Variants in MORN5 observed in about 807,000 individuals in gnomAD.
MORN5 encodes MORN repeat-containing protein 5.
In MORN5, 21 loss-of-function variants were observed where a neutral mutation model predicts 22.1. The ratio of observed to expected loss-of-function variants is 0.95; its 90% confidence interval spans 0.67 to 1.37. The LOEUF (loss-of-function observed/expected upper bound fraction) is 1.37, where lower values mean the gene tolerates loss of function less well. Among genes scored for constraint, MORN5 ranks in the 40% most tolerant of loss-of-function variants. The pLI is 0.00. For missense variants in MORN5, 211 were observed against 215.1 expected (o/e 0.98, Z 0.12); for synonymous variants, 73 against 74.0 (o/e 0.99, Z 0.07).
rs551488847 is a variant in MORN5, at chr9:122,177,271, C to T, written c.439+2644C>T. Reference sequence around the variant, plus strand: ...GTGAAATGACACTGCTGAGATGACACTGGCATGAACAACAAAGACAACAGA... The same window carrying T: ...GTGAAATGACACTGCTGAGATGACATTGGCATGAACAACAAAGACAACAGA... On this transcript the variant is annotated intron_variant, in intron 4 of 4. Transcript: ENST00000373764. Among the ~76,000 whole-genome samples, 3 of 152,346 alleles carry T rather than the reference C, an allele frequency of 2.0e-5. 1 individual carries two copies. In the South Asian group the frequency reaches 6.2e-4, roughly 32 times the overall value.
rs988854570 is a variant in MORN5, at chr9:122,163,132, T to G, written c.47+3113T>G. 2.0e-5 allele frequency among the ~76,000 whole-genome samples: 3 copies of G among 152,082 alleles called. No homozygotes were observed. The South Asian group carries it at 6.2e-4, about 32-fold the overall frequency. On this transcript the variant is annotated intron_variant, in intron 1 of 4. Transcript: ENST00000373764. Reference sequence around the variant, plus strand: ...GTCGCACAATTGAGTTCTAGATAACTCCACTCCAAAGCACCACAAGGTAAG... The same window carrying G: ...GTCGCACAATTGAGTTCTAGATAACGCCACTCCAAAGCACCACAAGGTAAG...
chr9:122,191,918 C>T (rs940567913), intron 4 of MORN5, among the ~76,000 whole-genome samples: 1 of 152,212 alleles, frequency 6.6e-6, no homozygotes, highest in Non-Finnish European at 1.5e-5. Flanking sequence ...GTGTCCTGAG[C>T]GAGTCCCTTA....
rs116537026 is a variant in MORN5 at position 122,177,496 on chromosome 9, G to A, written c.439+2869G>A. 4.2e-3 allele frequency among the ~76,000 whole-genome samples: 643 copies of A among 152,214 alleles called. 6 individuals carry two copies. Among genetic ancestry groups the A allele is most frequent in the African/African-American group, 0.014 (585 of 41,532 alleles). On this transcript the variant is annotated intron_variant, in intron 4 of 4. Coordinates refer to ENST00000373764, the MANE Select transcript of MORN5 (RefSeq NM_198469.4). ...TGCCCAGCTGGGAGTAAAATGACGCGATCTTGGCTCCCTGCAACCTCTGCC... is the reference window on the plus strand; with the variant it reads ...TGCCCAGCTGGGAGTAAAATGACGCAATCTTGGCTCCCTGCAACCTCTGCC...
At chr9:122,180,937 A>T (rs1225464256) in intron 4 of MORN5, among the ~76,000 whole-genome samples, 1 of 152,244 alleles carries the variant, frequency 6.6e-6, no homozygotes, top group Non-Finnish European at 1.5e-5. Context: ...AGCTGATTAA[A>T]TGTTTGTAAA....
chr9:122,200,050 A>AT lies in MORN5; in HGVS notation c.*123dup. 1.1e-6 allele frequency: 1 copy of AT among 944,720 alleles called. No individual in the cohort carries two copies. The highest frequency in any genetic ancestry group is 1.7e-6 in the Non-Finnish European group (1 of 592,848). The allele number at this position is 944,720 out of a possible 1,614,324, so 58.5% of individuals were successfully genotyped here. ...GGACGGGCTGTAGTTCTAGAACCTG[A>AT]TTTTAACTCAGGAATAAAGACTTTC... is the stretch of plus-strand genomic sequence containing the variant. On this transcript the variant is annotated 3_prime_UTR_variant, in exon 5 of 5. Transcript: ENST00000373764.
chr9:122,182,093 G>C (rs892018348), intron 4 of MORN5, among the ~76,000 whole-genome samples: 4 of 152,188 alleles, frequency 2.6e-5, no homozygotes, highest in African/African-American at 9.6e-5. Context: ...ATCTGCAAAT[G>C]CTTGATTATG....
chr9:122,187,762 A>G (rs1247969430), intron 4 of MORN5, among the ~76,000 whole-genome samples: 1 of 152,238 alleles, frequency 6.6e-6, no homozygotes, highest in Non-Finnish European at 1.5e-5. Flanking sequence ...AATATCAAAT[A>G]TGAGATTCTT....
chr9:122,170,113 C>G (rs1270713961), intron 3 of MORN5, among the ~76,000 whole-genome samples: 1 of 152,080 alleles, frequency 6.6e-6, no homozygotes, highest in African/African-American at 2.4e-5. Context: ...TCCTGGCCAA[C>G]ATGGTGAAAC....
intron 2 of MORN5, 44 bp downstream of exon 2, chr9:122,166,959 C>G (rs371869893): frequency 6.4e-7 from 1 of 1,574,200 alleles, no homozygotes; most frequent in Admixed American, 1.8e-5. Flanking sequence ...GAGATCCTCA[C>G]GCAAGAAGAG....
intron 4 of MORN5, among the ~76,000 whole-genome samples, chr9:122,198,675 T>C (rs569784629): frequency 6.6e-6 from 1 of 152,256 alleles, no homozygotes; most frequent in East Asian, 1.9e-4. Context: ...TCCACGTATC[T>C]GTGAAGGAGT....
Position 122,199,956 on chromosome 9 carries a change from G to A in MORN5, c.*25G>A, listed in dbSNP as rs199942712. 1,969 of 1,613,662 alleles carry A rather than the reference G, an allele frequency of 1.2e-3. 2 individuals are homozygous for A. The highest frequency in any genetic ancestry group is 1.5e-3 in the Non-Finnish European group (1,754 of 1,179,620). On this transcript the variant is annotated 3_prime_UTR_variant, in exon 5 of 5. Transcript: ENST00000373764. ...GGATGAGATCGTGGGTCACAGGCCCGAGCCGTGAACTCTGTGGCTGCCTCC... is the reference window on the plus strand; with the variant it reads ...GGATGAGATCGTGGGTCACAGGCCCAAGCCGTGAACTCTGTGGCTGCCTCC...
chr9:122,159,908 G>T lies in MORN5; in HGVS notation c.-65G>T. On this transcript the variant is annotated 5_prime_UTR_variant, in exon 1 of 5. Coordinates refer to ENST00000373764, the MANE Select transcript of MORN5 (RefSeq NM_198469.4). ...TCGGCTCCGCCCACCCCTCCAGGTTGTCATAGTGATGCCGTATCCACTGAG... is the reference window on the plus strand; with the variant it reads ...TCGGCTCCGCCCACCCCTCCAGGTTTTCATAGTGATGCCGTATCCACTGAG... 1 of 1,552,048 alleles carries T rather than the reference G, an allele frequency of 6.4e-7. No individual in the cohort carries two copies. The highest frequency in any genetic ancestry group is 8.9e-7 in the Non-Finnish European group (1 of 1,123,452).
chr9:122,165,923 C>T (rs1051866850), intron 1 of MORN5, among the ~76,000 whole-genome samples: 1 of 152,140 alleles, frequency 6.6e-6, no homozygotes, highest in African/African-American at 2.4e-5. Flanking sequence ...AGTCTGTTCT[C>T]ATGCTGCTGT....
Position 122,176,738 on chromosome 9 carries a change from C to T in MORN5, c.439+2111C>T, listed in dbSNP as rs575734284. On this transcript the variant is annotated intron_variant, in intron 4 of 4. Coordinates refer to ENST00000373764, the MANE Select transcript of MORN5 (RefSeq NM_198469.4). Reference sequence around the variant, plus strand: ...CTAAAAATACAAAAAATTAGCTGGGCGTGGTGGTGGGTGCCTGTAATCCCA... The same window carrying T: ...CTAAAAATACAAAAAATTAGCTGGGTGTGGTGGTGGGTGCCTGTAATCCCA... Among the ~76,000 whole-genome samples the T allele has an allele frequency of 9.2e-5, 14 of 152,076 alleles. No individual in the cohort carries two copies. In the South Asian group the frequency reaches 2.1e-3, roughly 23 times the overall value.
At chr9:122,190,260 A>G (rs991759908) in intron 4 of MORN5, among the ~76,000 whole-genome samples, 1 of 152,230 alleles carries the variant, frequency 6.6e-6, no homozygotes, top group Non-Finnish European at 1.5e-5. Context: ...CCCCACCTCA[A>G]TTATTTCCAC....
chr9:122,182,295 C>T (rs1295952922), intron 4 of MORN5, among the ~76,000 whole-genome samples: 1 of 152,240 alleles, frequency 6.6e-6, no homozygotes, highest in East Asian at 1.9e-4. Context: ...CCATCTCAGT[C>T]CTCCTCATCT....
chr9:122,164,442 C>T, intron 1 of MORN5: 1 of 286,064 alleles, frequency 3.5e-6, no homozygotes, highest in Non-Finnish European at 5.2e-6. Context: ...CAGGAGTTGG[C>T]AGCTGATTGG....
In MORN5 at chr9:122,174,584, G is replaced by A. The variant is rs775974579; in HGVS notation, c.396G>A (p.Thr132=). The A allele has an allele frequency of 2.0e-5, 33 of 1,613,994 alleles. No homozygotes were observed. The highest frequency in any genetic ancestry group is 6.7e-5 in the African/African-American group (5 of 74,912). ...DCGDGFYNPV[T]RVVKDYRNRF... is the part of the protein sequence containing the mutation. Reference sequence around the variant, plus strand: ...GAGACGGCTTCTATAACCCAGTCACGAGGGTAGTCAAGGACTATAGGAACC... The same window carrying A: ...GAGACGGCTTCTATAACCCAGTCACAAGGGTAGTCAAGGACTATAGGAACC... Residue 132 remains threonine, a synonymous_variant, in exon 4 of 5, where the codon ACG becomes ACA. Transcript: ENST00000373764.
At chr9:122,169,533 C>G in intron 2 of MORN5, 112 bp from the exon 3 acceptor site, 1 of 704,808 alleles carries the variant, frequency 1.4e-6, no homozygotes, top group Non-Finnish European at 2.5e-6. Flanking sequence ...GTGATAGTTA[C>G]CACTTCTTTA....
Sources: allele counts gnomAD v4.1 joint callset (sites outside exome capture counted in the v4.1 genomes callset), GRCh38; gene constraint gnomAD v4.1.1; transcripts MANE v1.5; gene names NCBI Gene and HGNC (gene_info 2026-07-23, HGNC 2026-07-21).